ZFHX3: variants seen among roughly 807,000 people sequenced by gnomAD.
ZFHX3 encodes zinc finger homeobox protein 3.
Under a neutral mutation model 279.1 loss-of-function variants are expected in ZFHX3, and 42 were observed. That is an observed-to-expected ratio of 0.15 (90% CI 0.12 to 0.19). The LOEUF is 0.19. Ranked by LOEUF, ZFHX3 falls within the 10% of genes least tolerant of loss-of-function variation. The pLI, the probability that ZFHX3 is intolerant of heterozygous loss-of-function variation, is 1.00. For synonymous variants in ZFHX3, 2,293 were observed against 1,957.8 expected (o/e 1.17, Z -4.52); for missense variants, 4,981 against 4,754.0 (o/e 1.05, Z -1.40).
At position 72,795,389 on chromosome 16, in the gene ZFHX3, C is replaced by T. The variant is rs2035869592; in HGVS notation, c.7293G>A (p.Lys2431=). ...GCTGTGCACTGGGAGCTTCCGCCAG[C>T]TTTGGTTTCTCATCGCCTGCCTCTG... ...SKTEAGDEKP[K]LAEAPSAQPN... is the part of the protein sequence containing the mutation. Residue 2431 remains lysine, a synonymous_variant, in exon 9 of 10, where the codon AAG becomes AAA. Coordinates refer to ENST00000268489, the MANE Select transcript of ZFHX3 (RefSeq NM_006885.4). The T allele has an allele frequency of 1.9e-6, 3 of 1,614,124 alleles. No homozygotes were observed. The highest frequency in any genetic ancestry group is 2.2e-5 in the South Asian group (2 of 91,082).
At chr16:72,963,443 G>T (rs921928777) in intron 1 of ZFHX3, among the ~76,000 whole-genome samples, 9 of 152,178 alleles carry the variant, frequency 5.9e-5, no homozygotes, top group African/African-American at 2.2e-4. Flanking sequence ...GGGAAGATAG[G>T]AATGACCTAG....
intron 1 of ZFHX3, among the ~76,000 whole-genome samples, chr16:73,021,956 A>C (rs539129211): frequency 6.6e-6 from 1 of 152,176 alleles, no homozygotes; most frequent in South Asian, 2.1e-4. Context: ...ACACAGCTCC[A>C]AGCTAAGGAA....
intron 5 of ZFHX3, among the ~76,000 whole-genome samples, chr16:73,211,340 T>C (rs1336634991): frequency 6.6e-6 from 1 of 152,214 alleles, no homozygotes; most frequent in Non-Finnish European, 1.5e-5. Context: ...TTGAAGTCAA[T>C]GCCCAATGAC....
At chr16:72,894,650 C>A (rs1275527157) in intron 3 of ZFHX3, among the ~76,000 whole-genome samples, 1 of 152,156 alleles carries the variant, frequency 6.6e-6, no homozygotes, top group African/African-American at 2.4e-5. Context: ...TTGTTCCTGA[C>A]CCAGCTAATT....
chr16:72,935,436 CTA>C (rs1370739505), intron 3 of ZFHX3, among the ~76,000 whole-genome samples: 3 of 152,186 alleles, frequency 2.0e-5, no homozygotes, highest in Admixed American at 6.5e-5. Context: ...CTTTAAATTT[CTA>C]TGTTTAAGAT....
intron 3 of ZFHX3, among the ~76,000 whole-genome samples, chr16:73,356,199 T>A (rs1447217866): frequency 6.6e-6 from 1 of 152,204 alleles, no homozygotes; most frequent in African/African-American, 2.4e-5. Flanking sequence ...ACCCACTGGA[T>A]AAGCTACTTC....
chr16:73,074,597 C>T (rs376826146), intron 8 of ZFHX3, among the ~76,000 whole-genome samples: 5 of 151,390 alleles, frequency 3.3e-5, no homozygotes, highest in African/African-American at 9.7e-5. Context: ...ACAATGATGA[C>T]GACAATGATG....
intron 8 of ZFHX3, chr16:73,081,686 C>T (rs1362361029): frequency 6.6e-6 from 1 of 152,170 alleles, no homozygotes; most frequent in Non-Finnish European, 1.5e-5. Flanking sequence ...TCTCACAGGC[C>T]ATTTACACAT....
chr16:73,790,075 C>A (rs555587761), intron 1 of ZFHX3, among the ~76,000 whole-genome samples: 11 of 152,030 alleles, frequency 7.2e-5, no homozygotes, highest in Non-Finnish European at 1.2e-4. Context: ...TGAAACTTGC[C>A]ATGCAAAAGG....
chr16:73,678,671 A>T lies in ZFHX3; in HGVS notation c.-1547+1509T>A, dbSNP rs116476295. On this transcript the variant is annotated intron_variant, in intron 2 of 17. Transcript: ENST00000641206. ...TGTCTGGATATGACTCACCAAAAAAACTGCTATATGTCTGAAGGAAATATT... is the reference window on the plus strand; with the variant it reads ...TGTCTGGATATGACTCACCAAAAAATCTGCTATATGTCTGAAGGAAATATT... 8.9e-3 allele frequency among the ~76,000 whole-genome samples: 1,356 copies of T among 152,308 alleles called. 23 individuals carry two copies. Among genetic ancestry groups the T allele is most frequent in the African/African-American group, 0.03 (1,257 of 41,564 alleles).
intron 1 of ZFHX3, among the ~76,000 whole-genome samples, chr16:73,003,604 G>A (rs980130904): frequency 4.0e-5 from 6 of 151,616 alleles, no homozygotes; most frequent in African/African-American, 1.5e-4. Flanking sequence ...TACTCAGGAG[G>A]CTAAGGCAGG....
At chr16:72,951,099 G>T in intron 2 of ZFHX3, 134 bp from the exon 3 acceptor site, 1 of 1,262,856 alleles carries the variant, frequency 7.9e-7, no homozygotes, top group Non-Finnish European at 1.1e-6. Flanking sequence ...TGTTGCAAAG[G>T]GCTACTGGCT....
chr16:73,764,362 A>T, intron 1 of ZFHX3, among the ~76,000 whole-genome samples: 1 of 152,104 alleles, frequency 6.6e-6, no homozygotes, highest in Non-Finnish European at 1.5e-5. Context: ...TTAATATATA[A>T]ATAAATTTGC....
chr16:73,487,109 G>C (rs2018989288), intron 2 of ZFHX3, among the ~76,000 whole-genome samples: 1 of 152,194 alleles, frequency 6.6e-6, no homozygotes, highest in African/African-American at 2.4e-5. Context: ...GAAATAGCTT[G>C]CTATTTAGAA....
At chr16:73,841,875 G>A (rs1308822825) in intron 1 of ZFHX3, among the ~76,000 whole-genome samples, 1 of 152,108 alleles carries the variant, frequency 6.6e-6, no homozygotes, top group Non-Finnish European at 1.5e-5. Flanking sequence ...CGCATAGTCT[G>A]TACATGTGCA....
chr16:73,542,170 G>A (rs754581832), intron 2 of ZFHX3, among the ~76,000 whole-genome samples: 5 of 151,946 alleles, frequency 3.3e-5, no homozygotes, highest in Non-Finnish European at 5.9e-5. Context: ...TCCCTTGCAC[G>A]AATGCAGAAA....
At chr16:73,435,346 C>T (rs2017978661) in intron 3 of ZFHX3, among the ~76,000 whole-genome samples, 1 of 152,114 alleles carries the variant, frequency 6.6e-6, no homozygotes, top group African/African-American at 2.4e-5. Flanking sequence ...GTAGCTGGGA[C>T]TACATGCGCC....
chr16:72,873,407 C>A (rs1251619412), intron 4 of ZFHX3, among the ~76,000 whole-genome samples: 2 of 152,164 alleles, frequency 1.3e-5, no homozygotes, highest in African/African-American at 4.8e-5. Context: ...TGCATTTGCA[C>A]GACTTCCCTT....
At chr16:73,199,203 G>C (rs1344048607) in intron 5 of ZFHX3, among the ~76,000 whole-genome samples, 4 of 152,248 alleles carry the variant, frequency 2.6e-5, no homozygotes, top group Non-Finnish European at 4.4e-5. Flanking sequence ...AAGACGGTTT[G>C]TGTAGACAAC....
Sources: allele counts gnomAD v4.1 joint callset (sites outside exome capture counted in the v4.1 genomes callset), GRCh38; gene constraint gnomAD v4.1.1; transcripts MANE v1.5; gene names NCBI Gene and HGNC (gene_info 2026-07-23, HGNC 2026-07-21).